Variants in ITPR2 observed in about 807,000 individuals in gnomAD.
The protein encoded by ITPR2 is inositol 1,4,5-trisphosphate receptor type 2.
In ITPR2, 207 loss-of-function variants were observed where a neutral mutation model predicts 317.1. The observed-to-expected ratio is 0.65, with a 90% CI of 0.58 to 0.73. The LOEUF is 0.73. Ranked by LOEUF, ITPR2 falls within the 30% of genes least tolerant of loss-of-function variation. The pLI is 0.00. For synonymous variants in ITPR2, 1,156 were observed against 1,149.1 expected (o/e 1.01, Z -0.12); for missense variants, 2,613 against 3,284.0 (o/e 0.80, Z 4.99).
At chr12:26,686,455 C>T (rs1284733390) in intron 11 of ITPR2, 26 bp downstream of exon 11, 2 of 1,488,614 alleles carry the variant, frequency 1.3e-6, no homozygotes, top group Non-Finnish European at 1.8e-6. Flanking sequence ...TTCAAAGAAA[C>T]ATCTTTTAAC....
intron 37 of ITPR2, among the ~76,000 whole-genome samples, chr12:26,501,933 T>C (rs984972): frequency 0.53 from 80,216 of 151,996 alleles, 21,992 homozygotes; most frequent in South Asian, 0.65. Flanking sequence ...GAAAATTAAA[T>C]GTTTAAACAG....
intron 45 of ITPR2, among the ~76,000 whole-genome samples, chr12:26,459,716 C>G (rs976671583): frequency 1.5e-4 from 23 of 152,208 alleles, no homozygotes; most frequent in African/African-American, 5.3e-4. Context: ...TTTTACTCCT[C>G]TCATTCCAAT....
At chr12:26,444,498 G>A (rs1010905900) in intron 45 of ITPR2, among the ~76,000 whole-genome samples, 2 of 152,060 alleles carry the variant, frequency 1.3e-5, no homozygotes, top group Non-Finnish European at 2.9e-5. Context: ...TCCATGCCAG[G>A]CACTAATTCT....
At chr12:26,628,384 C>T (rs1302738698) in intron 22 of ITPR2, among the ~76,000 whole-genome samples, 1 of 152,168 alleles carries the variant, frequency 6.6e-6, no homozygotes, top group Non-Finnish European at 1.5e-5. Context: ...TTGGAAAGAA[C>T]ATTTGACTCC....
intron 34 of ITPR2, among the ~76,000 whole-genome samples, chr12:26,575,959 C>T (rs1054184065): frequency 1.3e-5 from 2 of 151,908 alleles, no homozygotes; most frequent in Non-Finnish European, 1.5e-5. Context: ...CCCTGCCTTG[C>T]GTTTGCTAAA....
chr12:26,604,258 C>T lies in ITPR2; in HGVS notation c.3463-1552G>A, dbSNP rs187870411. Reference sequence around the variant, plus strand: ...TCAGCTTTATATTTTTCTTTTGCTTCTTTTCTGGCAAATATTGTCCTGAGG... The same window carrying T: ...TCAGCTTTATATTTTTCTTTTGCTTTTTTTCTGGCAAATATTGTCCTGAGG... On this transcript the variant is annotated intron_variant, in intron 26 of 56. Transcript: ENST00000381340. Among the ~76,000 whole-genome samples, 427 of 152,310 alleles carry T rather than the reference C, an allele frequency of 2.8e-3. 1 individual carries two copies. The highest frequency in any genetic ancestry group is 5.0e-3 in the Non-Finnish European group (343 of 68,012).
At chr12:26,360,922 CA>C (rs1199639904) in intron 55 of ITPR2, among the ~76,000 whole-genome samples, 2 of 151,772 alleles carry the variant, frequency 1.3e-5, no homozygotes, top group Non-Finnish European at 2.9e-5. Flanking sequence ...GAACTAACAA[CA>C]ATGTTAGCAG....
chr12:26,415,075 G>A (rs2136677833), intron 51 of ITPR2, among the ~76,000 whole-genome samples: 1 of 152,158 alleles, frequency 6.6e-6, no homozygotes, highest in South Asian at 2.1e-4. Context: ...TACCGAGACT[G>A]AGCTGGGATG....
At chr12:26,341,656 G>A (rs998253572) in intron 55 of ITPR2, among the ~76,000 whole-genome samples, 1 of 152,220 alleles carries the variant, frequency 6.6e-6, no homozygotes, top group African/African-American at 2.4e-5. Context: ...TTTCAAAGGT[G>A]AACAGTAACT....
At chr12:26,703,120 T>A (rs1209538677) in intron 9 of ITPR2, among the ~76,000 whole-genome samples, 1 of 152,246 alleles carries the variant, frequency 6.6e-6, no homozygotes, top group Non-Finnish European at 1.5e-5. Flanking sequence ...ACTGTATCTA[T>A]AAGTAAATTT....
Position 26,340,229 on chromosome 12 carries a change from A to G in ITPR2, c.7957T>C (p.Leu2653=), listed in dbSNP as rs550210847. The G allele has an allele frequency of 4.0e-5, 65 of 1,610,614 alleles. No individual in the cohort carries two copies. In the South Asian group the frequency reaches 6.4e-4, roughly 16 times the overall value. ...QNEIRSLQEK[L]ESTMSLVKQL... ...TTGACCAGACTCATGGTCGATTCCA[A>G]CTTCTCCTGAAGGCTCCGAATTTCA... The change falls in exon 56 of 57, where the codon TTG becomes CTG. Residue 2653 remains leucine, a synonymous_variant. Coordinates refer to ENST00000381340, the MANE Select transcript of ITPR2 (RefSeq NM_002223.4).
intron 2 of ITPR2, among the ~76,000 whole-genome samples, chr12:26,784,352 T>C (rs1950164341): frequency 3.4e-5 from 1 of 29,728 alleles, no homozygotes; most frequent in African/African-American, 6.8e-5. Flanking sequence ...TCCCTCTCCC[T>C]CTCCCTCTCC....
intron 37 of ITPR2, among the ~76,000 whole-genome samples, chr12:26,506,359 A>G (rs1281551120): frequency 6.6e-6 from 1 of 151,686 alleles, no homozygotes; most frequent in Non-Finnish European, 1.5e-5. Context: ...AAATAGGAAA[A>G]TAATCTGGGT....
At chr12:26,433,043 G>T (rs1941256611) in intron 48 of ITPR2, among the ~76,000 whole-genome samples, 1 of 152,196 alleles carries the variant, frequency 6.6e-6, no homozygotes. Flanking sequence ...AACAGTCTTA[G>T]CTCTGTTTCC....
intron 55 of ITPR2, among the ~76,000 whole-genome samples, chr12:26,383,466 T>G (rs537590635): frequency 0.015 from 2,220 of 151,468 alleles, 42 homozygotes; most frequent in South Asian, 0.026. Flanking sequence ...TTCTATGTTT[T>G]TTTGTTTGTT....
chr12:26,414,088 A>ACACAC (rs1940645837), intron 51 of ITPR2, among the ~76,000 whole-genome samples: 2 of 72,550 alleles, frequency 2.8e-5, no homozygotes, highest in South Asian at 4.0e-4. Context: ...CACACACACA[A>ACACAC]ACACAAGTCC....
At chr12:26,367,344 C>G (rs1256827649) in intron 55 of ITPR2, among the ~76,000 whole-genome samples, 1 of 152,082 alleles carries the variant, frequency 6.6e-6, no homozygotes, top group African/African-American at 2.4e-5. Flanking sequence ...GCACCTTGTC[C>G]CATTGATGCA....
At position 26,419,152 on chromosome 12, in the gene ITPR2, C is replaced by T. The variant is rs202044890; in HGVS notation, c.7007G>A (p.Gly2336Glu). 8 of 1,613,706 alleles carry T rather than the reference C, an allele frequency of 5.0e-6. No homozygotes were observed. The highest frequency in any genetic ancestry group is 6.8e-6 in the Non-Finnish European group (8 of 1,179,812). Residue 2336 changes from glycine (G) to glutamate (E), a missense_variant, in exon 50 of 57, where the codon GGG becomes GAG. Gly to Glu is a moderately conservative substitution (Grantham distance 98, BLOSUM62 -2). Around this residue, in one of 9 missense-constraint regions of ITPR2, gnomAD observed 78 missense variants for 110.3 expected, o/e 0.71. Coordinates refer to ENST00000381340, the MANE Select transcript of ITPR2 (RefSeq NM_002223.4). ...CATATCCAGGATGACTGCTCGGTAC[C>T]CACGGGTGAACGTGCCACGATTTCC... ...FVGNRGTFTR[G>E]YRAVILDMAF...
At chr12:26,554,453 T>C (rs190408427) in intron 36 of ITPR2, among the ~76,000 whole-genome samples, 245 of 152,354 alleles carry the variant, frequency 1.6e-3, no homozygotes, top group African/African-American at 5.6e-3. Context: ...ATTTTAGGCT[T>C]TGTGGGGTAC....
Sources: gnomAD v4.1 joint callset for allele counts (sites outside exome capture counted in the v4.1 genomes callset) on GRCh38, gnomAD v4.1.1 for gene constraint, gnomAD v4.1.1 regional missense constraint, MANE v1.5 for transcripts, NCBI Gene and HGNC (gene_info 2026-07-23, HGNC 2026-07-21) for gene names.